The following ACTN1 variants were observed in gnomAD, a reference collection of about 807,000 sequenced individuals.
ACTN1 encodes actinin alpha 1.
ACTN1 carries 30 observed loss-of-function variants against 119.6 expected under a neutral mutation model. The observed-to-expected ratio is 0.25, with a 90% CI of 0.19 to 0.34. ACTN1 has a LOEUF of 0.34. Among genes scored for constraint, ACTN1 ranks in the 10% least tolerant of loss-of-function variants. The pLI, the probability that ACTN1 is intolerant of heterozygous loss-of-function variation, is 1.00. For synonymous variants in ACTN1, 429 were observed against 472.6 expected (o/e 0.91, Z 1.20); for missense variants, 764 against 1,223.4 (o/e 0.62, Z 5.60).
Position 68,979,190 on chromosome 14 carries a change from C to G in ACTN1, c.-134G>C. On this transcript the variant is annotated 5_prime_UTR_variant, in exon 1 of 22. Coordinates refer to ENST00000394419, the MANE Select transcript of ACTN1 (RefSeq NM_001130004.2). ...GGGGCCGGGCTCGCTCCCCTGCGCC[C>G]GGTTCCGCCGCGGCGCTGCTGGCGA... 1.7e-5 allele frequency: 8 copies of G among 463,302 alleles called. No individual in the cohort carries two copies. Among genetic ancestry groups the G allele is most frequent in the East Asian group, 9.5e-5 (2 of 20,954 alleles). The allele number at this position is 463,302 out of a possible 1,614,324, so 28.7% of individuals were successfully genotyped here.
In ACTN1 at chr14:68,880,331, A is replaced by G. The variant is rs541387745; in HGVS notation, c.2134-223T>C. Among the ~76,000 whole-genome samples the G allele has an allele frequency of 2.0e-5, 3 of 152,260 alleles. No individual in the cohort carries two copies. In the East Asian group the frequency reaches 5.8e-4, roughly 29 times the overall value. ...CAGGGTGGCAGCCTCTGCCTGGGAGAGCAAAGAAACCAGGACTTGCCAATG... is the reference window on the plus strand; with the variant it reads ...CAGGGTGGCAGCCTCTGCCTGGGAGGGCAAAGAAACCAGGACTTGCCAATG... On this transcript the variant is annotated intron_variant, in intron 17 of 21. Transcript: ENST00000394419. This position sits in a 1 kb window ranked among gnomAD's most constrained non-coding sequence, Gnocchi z 4.6.
At position 68,926,752 on chromosome 14, in the gene ACTN1, C is replaced by T. The variant is rs114199457; in HGVS notation, c.106-1080G>A. On this transcript the variant is annotated intron_variant, in intron 1 of 21. Coordinates refer to ENST00000394419, the MANE Select transcript of ACTN1 (RefSeq NM_001130004.2). ...TTCCTCATGGGAAAGGTCACAGCTT[C>T]ATGCTCCCCAATCCCTTCCTCCTGC... Among the ~76,000 whole-genome samples the T allele has an allele frequency of 5.4e-3, 815 of 152,332 alleles. 4 individuals are homozygous for T. Among genetic ancestry groups the T allele is most frequent in the African/African-American group, 0.018 (765 of 41,574 alleles).
chr14:68,978,877 G>A, intron 1 of ACTN1, 75 bp downstream of exon 1: 1 of 1,076,374 alleles, frequency 9.3e-7, no homozygotes, highest in Non-Finnish European at 1.3e-6. Context: ...CCGGAGCCGA[G>A]AGCCCGGCAG....
intron 1 of ACTN1, among the ~76,000 whole-genome samples, chr14:68,934,851 A>C (rs1031993612): frequency 6.6e-6 from 1 of 152,248 alleles, no homozygotes; most frequent in Admixed American, 6.5e-5. Flanking sequence ...GCAGGATTCA[A>C]GACTGTATGT....
At chr14:68,913,456 G>A (rs2034118996) in intron 3 of ACTN1, among the ~76,000 whole-genome samples, 1 of 152,144 alleles carries the variant, frequency 6.6e-6, no homozygotes, top group African/African-American at 2.4e-5. Flanking sequence ...CCATGAGAAG[G>A]ATCAATTTCT....
intron 3 of ACTN1, among the ~76,000 whole-genome samples, chr14:68,918,706 T>C (rs1028280687): frequency 3.2e-4 from 48 of 151,284 alleles, no homozygotes; most frequent in African/African-American, 9.5e-4. Context: ...CCATCCTGGC[T>C]AGCACAGTGA....
intron 1 of ACTN1, among the ~76,000 whole-genome samples, chr14:68,965,276 T>C (rs189849282): frequency 6.6e-6 from 1 of 152,326 alleles, no homozygotes; most frequent in East Asian, 1.9e-4. Context: ...GGGCATTCTA[T>C]TGATTTCTTC....
intron 1 of ACTN1, among the ~76,000 whole-genome samples, chr14:68,952,472 T>C (rs1397084001): frequency 6.6e-6 from 1 of 152,208 alleles, no homozygotes; most frequent in Non-Finnish European, 1.5e-5. Flanking sequence ...ATAAAATGGA[T>C]GTCACATGCA....
intron 8 of ACTN1, among the ~76,000 whole-genome samples, chr14:68,897,287 A>G (rs2032947789): frequency 6.6e-6 from 1 of 152,114 alleles, no homozygotes; most frequent in Non-Finnish European, 1.5e-5. Context: ...CCCAACCTGA[A>G]TTTTCATGTT....
At chr14:68,883,080 G>C in intron 14 of ACTN1, 25 bp from the exon 15 acceptor site, 1 of 1,610,322 alleles carries the variant, frequency 6.2e-7, no homozygotes, top group Non-Finnish European at 8.5e-7. Flanking sequence ...GAATATGTGG[G>C]CAAGAGGAAC....
chr14:68,882,581 C>CAG lies in ACTN1; in HGVS notation c.1828_1829dup (p.Val611TrpfsTer9). The CAG allele has an allele frequency of 6.2e-7, 1 of 1,614,142 alleles. No individual in the cohort carries two copies. On this transcript the variant is annotated frameshift_variant, in exon 16 of 22. Coordinates refer to ENST00000394419, the MANE Select transcript of ACTN1 (RefSeq NM_001130004.2). LOFTEE classifies it high-confidence loss of function. The surrounding 1 kb of genome is among the most constrained non-coding windows in gnomAD (Gnocchi z 4.5). ...TCAGAGCTTGGTCCCTCCGAGGCAC[C>CAG]AGCTGCCGCACCTGGGGCAGGAACA...
rs1047004575 is a variant in ACTN1, at chr14:68,973,489, G to A, written c.105+5463C>T. On this transcript the variant is annotated intron_variant, in intron 1 of 21. Transcript: ENST00000394419. ...GAAGGACATGTTTGCTTCCCCTTCC[G>A]CCATGATTTTAAGTTTCCTGAGGCC... 4.6e-5 allele frequency among the ~76,000 whole-genome samples: 7 copies of A among 152,068 alleles called. No homozygotes were observed. The East Asian group carries it at 5.8e-4, about 13-fold the overall frequency.
At chr14:68,961,837 G>C (rs1486900305) in intron 1 of ACTN1, among the ~76,000 whole-genome samples, 1 of 152,132 alleles carries the variant, frequency 6.6e-6, no homozygotes, top group Non-Finnish European at 1.5e-5. Context: ...CATCCCTCCA[G>C]CACCAGATCA....
intron 1 of ACTN1, among the ~76,000 whole-genome samples, chr14:68,927,737 G>A (rs2140401784): frequency 6.6e-6 from 1 of 152,152 alleles, no homozygotes; most frequent in Middle Eastern, 3.4e-3. Flanking sequence ...GAGATGAGAG[G>A]GCCTTTAGCC....
chr14:68,962,360 G>A (rs1468600601), intron 1 of ACTN1, among the ~76,000 whole-genome samples: 1 of 152,106 alleles, frequency 6.6e-6, no homozygotes, highest in Non-Finnish European at 1.5e-5. Context: ...CCTTGGAACT[G>A]GAAACCCACG....
At chr14:68,960,120 TGAGGAG>T (rs1291251799) in intron 1 of ACTN1, among the ~76,000 whole-genome samples, 1 of 151,866 alleles carries the variant, frequency 6.6e-6, no homozygotes, top group Non-Finnish European at 1.5e-5. Flanking sequence ...TTGAGTAGGC[TGAGGAG>T]GAGGAGAAGA....
intron 1 of ACTN1, among the ~76,000 whole-genome samples, chr14:68,929,231 G>A (rs990720168): frequency 1.3e-5 from 2 of 152,088 alleles, no homozygotes; most frequent in Admixed American, 6.5e-5. Context: ...TCCAGCCTGG[G>A]GCAGCCTTGG....
chr14:68,948,054 T>C (rs1327767620), intron 1 of ACTN1, among the ~76,000 whole-genome samples: 5 of 152,212 alleles, frequency 3.3e-5, no homozygotes, highest in Admixed American at 2.0e-4. Flanking sequence ...GGGAAGCTGC[T>C]GCCACCCAAC....
chr14:68,894,178 G>C (rs1052768953), intron 8 of ACTN1, among the ~76,000 whole-genome samples: 2 of 152,186 alleles, frequency 1.3e-5, no homozygotes, highest in African/African-American at 4.8e-5. Flanking sequence ...GGAGATGTGG[G>C]AATTCAAATC....
Sources: allele counts gnomAD v4.1 joint callset (sites outside exome capture counted in the v4.1 genomes callset), GRCh38; gene constraint gnomAD v4.1.1; non-coding constraint Gnocchi (gnomAD v3.1); transcripts MANE v1.5; gene names NCBI Gene and HGNC (gene_info 2026-07-23, HGNC 2026-07-21).